The following FHIT variants were observed in gnomAD, a reference collection of about 807,000 sequenced individuals.
FHIT encodes the protein fragile histidine triad diadenosine triphosphatase.
A neutral mutation model predicts 17.9 loss-of-function variants in FHIT; 19 were observed. The ratio of observed to expected loss-of-function variants is 1.06; its 90% CI spans 0.74 to 1.56. The LOEUF (loss-of-function observed/expected upper bound fraction) is 1.56, where lower values mean the gene tolerates loss of function less well. Among genes scored for constraint, FHIT ranks in the 40% most tolerant of loss-of-function variants. The pLI, the probability that FHIT is intolerant of heterozygous loss-of-function variation, is 0.00. For synonymous variants in FHIT, 81 were observed against 69.7 expected, an observed-to-expected ratio of 1.16 and a Z score of -0.81; for missense variants, 248 against 189.2, an observed-to-expected ratio of 1.31 and a Z score of -1.82.
chr3:61,234,323 C>T (rs148546062), intron 1 of FHIT, among the ~76,000 whole-genome samples: 44 of 152,238 alleles, frequency 2.9e-4, no homozygotes, highest in Non-Finnish European at 5.3e-4. Context: ...ATTATGCACA[C>T]GTGCAAATAC....
intron 3 of FHIT, among the ~76,000 whole-genome samples, chr3:61,009,265 C>T (rs182270642): frequency 1.8e-4 from 28 of 152,254 alleles, no homozygotes; most frequent in Admixed American, 8.5e-4. Flanking sequence ...CTTCACTTAG[C>T]GTCAGAAGGC....
intron 4 of FHIT, among the ~76,000 whole-genome samples, chr3:60,813,173 T>G (rs192242930): frequency 2.1e-4 from 32 of 151,444 alleles, no homozygotes; most frequent in Non-Finnish European, 2.7e-4. Flanking sequence ...GGCCCTCTCA[T>G]TGGCTCATTT....
At chr3:59,953,302 C>G (rs1707216027) in intron 7 of FHIT, among the ~76,000 whole-genome samples, 1 of 152,012 alleles carries the variant, frequency 6.6e-6, no homozygotes, top group African/African-American at 2.4e-5. Context: ...GAGTGTCTCT[C>G]TCTCCTTATG....
At chr3:60,697,154 T>C (rs1281979535) in intron 4 of FHIT, among the ~76,000 whole-genome samples, 1 of 152,218 alleles carries the variant, frequency 6.6e-6, no homozygotes, top group African/African-American at 2.4e-5. Context: ...ATTCAATTTA[T>C]ATAAAATTTA....
intron 8 of FHIT, among the ~76,000 whole-genome samples, chr3:59,834,614 C>T (rs894652042): frequency 5.9e-5 from 9 of 152,256 alleles, no homozygotes; most frequent in African/African-American, 9.6e-5. Flanking sequence ...TGTATCCTCA[C>T]GTGGTGGAAA....
chr3:59,756,601 C>T (rs1285548315), intron 8 of FHIT, among the ~76,000 whole-genome samples: 1 of 152,142 alleles, frequency 6.6e-6, no homozygotes, highest in African/African-American at 2.4e-5. Flanking sequence ...ACAAAGTTAA[C>T]TGGGATTCTT....
rs570600510 is a variant in FHIT at position 60,781,348 on chromosome 3, T to TAAA, written c.-18+40570_-18+40571insTTT. Reference sequence around the variant, plus strand: ...AAGGCACACAGAAAAACTAGAAGACTATTTCTGCACCAGTCAAGAAGCACA... The same window carrying TAAA: ...AAGGCACACAGAAAAACTAGAAGACTAAAATTTCTGCACCAGTCAAGAAGCACA... On this transcript the variant is annotated intron_variant, in intron 4 of 9. Coordinates refer to ENST00000492590, the MANE Select transcript of FHIT (RefSeq NM_002012.4). Among the ~76,000 whole-genome samples the TAAA allele has an allele frequency of 3.3e-5, 5 of 152,240 alleles. No homozygotes were observed. In the South Asian group the frequency reaches 1.0e-3, roughly 32 times the overall value.
chr3:60,792,726 G>T (rs1700825275), intron 4 of FHIT, among the ~76,000 whole-genome samples: 1 of 152,182 alleles, frequency 6.6e-6, no homozygotes, highest in African/African-American at 2.4e-5. Flanking sequence ...TTTGCCCACT[G>T]AGGCCAGCTA....
chr3:61,204,849 G>C (rs1038032204), intron 1 of FHIT, among the ~76,000 whole-genome samples: 3 of 152,038 alleles, frequency 2.0e-5, no homozygotes, highest in African/African-American at 7.2e-5. Context: ...TATACTTTAA[G>C]TTTTAGGGTA....
Position 60,695,188 on chromosome 3 carries a change from C to T in FHIT, c.-18+126731G>A, listed in dbSNP as rs528996643. On this transcript the variant is annotated intron_variant, in intron 4 of 9. Coordinates refer to ENST00000492590, the MANE Select transcript of FHIT (RefSeq NM_002012.4). ...GACAGGTGAATCACCTAAGGTCAGG[C>T]GTTGGAGACCAGCCTGGCCAAAATG... Among the ~76,000 whole-genome samples, 61 of 152,194 alleles carry T rather than the reference C, an allele frequency of 4.0e-4. No individual in the cohort carries two copies. The Middle Eastern group carries it at 0.01, about 25-fold the overall frequency.
intron 3 of FHIT, among the ~76,000 whole-genome samples, chr3:61,030,833 G>A (rs973273147): frequency 2.6e-5 from 4 of 152,174 alleles, no homozygotes; most frequent in African/African-American, 9.7e-5. Flanking sequence ...GGGCAGGGGG[G>A]TAGTTTCAAA....
intron 3 of FHIT, among the ~76,000 whole-genome samples, chr3:61,037,262 CTG>C (rs1479856998): frequency 2.6e-5 from 4 of 152,144 alleles, no homozygotes; most frequent in African/African-American, 9.7e-5. Flanking sequence ...CGCTACAAGA[CTG>C]GAGTGGTTAT....
At chr3:60,237,053 C>G (rs922380205) in intron 5 of FHIT, among the ~76,000 whole-genome samples, 18 of 152,064 alleles carry the variant, frequency 1.2e-4, no homozygotes, top group Non-Finnish European at 2.9e-5. Flanking sequence ...AACATTTATT[C>G]ATCATTCCCA....
intron 4 of FHIT, among the ~76,000 whole-genome samples, chr3:60,739,490 G>A (rs1049225235): frequency 2.0e-5 from 3 of 152,130 alleles, no homozygotes; most frequent in African/African-American, 4.8e-5. Context: ...ACAGAGAGCC[G>A]CACCCCTGTC....
intron 4 of FHIT, among the ~76,000 whole-genome samples, chr3:60,710,047 T>C (rs2041478186): frequency 1.5e-5 from 2 of 136,774 alleles, no homozygotes; most frequent in Admixed American, 1.6e-4. Context: ...TCTTTCTGCA[T>C]ACTTCCCATT....
At chr3:60,169,138 T>A (rs1301914994) in intron 5 of FHIT, among the ~76,000 whole-genome samples, 3 of 152,200 alleles carry the variant, frequency 2.0e-5, no homozygotes, top group African/African-American at 7.2e-5. Flanking sequence ...TGCTCAAAAT[T>A]GTGTGTGCCA....
At position 60,036,251 on chromosome 3, in the gene FHIT, C is replaced by G. The variant is rs537288315; in HGVS notation, c.104-22099G>C. On this transcript the variant is annotated intron_variant, in intron 5 of 9. Transcript: ENST00000492590. The stretch of plus-strand genomic sequence containing the variant: ...ATGTGTCCCAAATCTGATAATTTTT[C>G]CAGATCTAAGTTAGATTCCACCTCC... Among the ~76,000 whole-genome samples, 23 of 152,326 alleles carry G rather than the reference C, an allele frequency of 1.5e-4. No individual in the cohort carries two copies. In the South Asian group the frequency reaches 4.8e-3, roughly 32 times the overall value.
intron 4 of FHIT, among the ~76,000 whole-genome samples, chr3:60,721,245 C>T (rs1490041485): frequency 2.0e-5 from 3 of 152,134 alleles, no homozygotes; most frequent in Non-Finnish European, 2.9e-5. Flanking sequence ...CAAGAGACCA[C>T]ACTGTACTTC....
intron 7 of FHIT, among the ~76,000 whole-genome samples, chr3:59,947,227 G>C (rs955736794): frequency 1.3e-4 from 20 of 152,052 alleles, no homozygotes; most frequent in African/African-American, 4.6e-4. Flanking sequence ...GTTTCTTCCC[G>C]GTTCAATCTT....
Sources: allele counts gnomAD v4.1 joint callset (sites outside exome capture counted in the v4.1 genomes callset), GRCh38; gene constraint gnomAD v4.1.1; transcripts MANE v1.5; gene names NCBI Gene and HGNC (gene_info 2026-07-23, HGNC 2026-07-21).